ANO2: variants seen among roughly 807,000 people sequenced by gnomAD.
The protein encoded by ANO2 is anoctamin-2.
In ANO2, 101 loss-of-function variants were observed where a neutral mutation model predicts 124.2. That is an observed-to-expected ratio of 0.81 (90% CI 0.69 to 0.96). ANO2 has a LOEUF of 0.96. ANO2 is among the 40% of genes least tolerant of loss of function. The pLI is 0.00. For missense variants in ANO2, 1,293 were observed against 1,274.5 expected (o/e 1.01, Z -0.22); for synonymous variants, 486 against 482.5 (o/e 1.01, Z -0.09).
chr12:5,915,888 T>G (rs17786382), intron 3 of ANO2, among the ~76,000 whole-genome samples: 23,072 of 152,218 alleles, frequency 0.15, 1,984 homozygotes, highest in South Asian at 0.2. Flanking sequence ...ATCCTTTTTT[T>G]CAGTGGCACA....
At chr12:5,889,032 G>A (rs764727218) in intron 3 of ANO2, among the ~76,000 whole-genome samples, 13 of 152,228 alleles carry the variant, frequency 8.5e-5, no homozygotes, top group Non-Finnish European at 1.3e-4. Context: ...CCCAAACCCC[G>A]CCCCGTGGGG....
At chr12:5,590,151 G>A (rs912680654) in intron 20 of ANO2, among the ~76,000 whole-genome samples, 1 of 152,174 alleles carries the variant, frequency 6.6e-6, no homozygotes, top group African/African-American at 2.4e-5. Context: ...GCCACATACG[G>A]CCCAGGACAG....
At chr12:5,662,802 T>A (rs1224766615) in intron 14 of ANO2, among the ~76,000 whole-genome samples, 2 of 152,192 alleles carry the variant, frequency 1.3e-5, no homozygotes, top group East Asian at 3.9e-4. Flanking sequence ...GGTGGTTAGT[T>A]CTTCTTCTTT....
chr12:5,578,581 T>A, intron 20 of ANO2, 63 bp from the exon 21 acceptor site: 2 of 1,535,170 alleles, frequency 1.3e-6, no homozygotes, highest in Admixed American at 3.9e-5. Flanking sequence ...CCCTTCTGGC[T>A]TGCAGCTACA....
At chr12:5,620,277 G>C (rs1945044517) in intron 16 of ANO2, among the ~76,000 whole-genome samples, 2 of 152,202 alleles carry the variant, frequency 1.3e-5, no homozygotes, top group African/African-American at 4.8e-5. Context: ...AGAGCCAGGG[G>C]ACCAACAGCA....
intron 10 of ANO2, among the ~76,000 whole-genome samples, chr12:5,771,395 T>C (rs1435294222): frequency 2.0e-5 from 3 of 152,190 alleles, no homozygotes; most frequent in East Asian, 1.9e-4. Flanking sequence ...GTGTAGATGA[T>C]AATGTAGATT....
chr12:5,653,530 A>G (rs150362706), intron 14 of ANO2, among the ~76,000 whole-genome samples: 9 of 152,360 alleles, frequency 5.9e-5, no homozygotes, highest in African/African-American at 2.2e-4. Flanking sequence ...TGAGCACTCA[A>G]TGAGTATACC....
chr12:5,648,982 A>C (rs1416512820), intron 14 of ANO2, among the ~76,000 whole-genome samples: 1 of 152,140 alleles, frequency 6.6e-6, no homozygotes, highest in Non-Finnish European at 1.5e-5. Context: ...TCTTATACTA[A>C]AAGATTTCTT....
chr12:5,640,987 G>A lies in ANO2; in HGVS notation c.1621-5640C>T, dbSNP rs191656976. On this transcript the variant is annotated intron_variant, in intron 15 of 24. Coordinates refer to ENST00000682330, the MANE Select transcript of ANO2 (RefSeq NM_001364791.2). Reference sequence around the variant, plus strand: ...TTGGAACCAACCCAAATGTCCATCAGTGATAGACTGGATTAAGAAAATGTG... The same window carrying A: ...TTGGAACCAACCCAAATGTCCATCAATGATAGACTGGATTAAGAAAATGTG... 4.5e-3 allele frequency among the ~76,000 whole-genome samples: 680 copies of A among 152,286 alleles called. 7 individuals are homozygous for A. Among genetic ancestry groups the A allele is most frequent in the African/African-American group, 0.015 (636 of 41,546 alleles).
intron 4 of ANO2, 81 bp downstream of exon 4, chr12:5,853,962 T>TAGGGC: frequency 1.0e-6 from 1 of 964,482 alleles, no homozygotes; most frequent in Non-Finnish European, 1.5e-6. Context: ...AAAACCCACA[T>TAGGGC]CCCACCTGGC....
intron 3 of ANO2, among the ~76,000 whole-genome samples, chr12:5,909,688 C>T (rs1353360089): frequency 6.6e-6 from 1 of 152,234 alleles, no homozygotes; most frequent in East Asian, 1.9e-4. Flanking sequence ...CCAGCATCAT[C>T]CCGTGCCCCA....
intron 14 of ANO2, among the ~76,000 whole-genome samples, chr12:5,663,410 C>T (rs930257174): frequency 6.6e-6 from 1 of 152,182 alleles, no homozygotes; most frequent in Non-Finnish European, 1.5e-5. Context: ...TCCTTTCTCA[C>T]TCTCACCCAC....
chr12:5,874,456 G>T (rs900372207), intron 3 of ANO2, among the ~76,000 whole-genome samples: 1 of 152,120 alleles, frequency 6.6e-6, no homozygotes, highest in African/African-American at 2.4e-5. Context: ...GGCTTCTTTG[G>T]TGCTTCATAT....
At chr12:5,667,105 C>T (rs528913462) in intron 14 of ANO2, among the ~76,000 whole-genome samples, 4 of 152,148 alleles carry the variant, frequency 2.6e-5, no homozygotes, top group Admixed American at 6.5e-5. Flanking sequence ...GGAAGCTCTG[C>T]GTTTGCTGCT....
intron 10 of ANO2, among the ~76,000 whole-genome samples, chr12:5,759,573 G>A (rs1328834758): frequency 6.7e-6 from 1 of 149,614 alleles, no homozygotes; most frequent in East Asian, 1.9e-4. Context: ...GATTCTCAAA[G>A]GAGCATGAAC....
chr12:5,590,072 G>C (rs1943318758), intron 20 of ANO2, among the ~76,000 whole-genome samples: 1 of 152,076 alleles, frequency 6.6e-6, no homozygotes. Context: ...GCACCAGGGA[G>C]GAGGCAGGGC....
intron 19 of ANO2, among the ~76,000 whole-genome samples, chr12:5,600,847 T>A (rs1943906656): frequency 6.6e-6 from 1 of 152,182 alleles, no homozygotes; most frequent in Admixed American, 6.5e-5. Flanking sequence ...CCCCCAACAT[T>A]CTTCACCCAA....
chr12:5,599,819 G>T (rs1943844088), intron 19 of ANO2, among the ~76,000 whole-genome samples, 190 bp from the exon 20 acceptor site: 1 of 152,126 alleles, frequency 6.6e-6, no homozygotes, highest in Admixed American at 6.5e-5. Flanking sequence ...CCTTTATAAA[G>T]ATCGTGCAGA....
chr12:5,939,827 A>AGGTCGAG (rs1441045397), intron 1 of ANO2, among the ~76,000 whole-genome samples: 3 of 152,242 alleles, frequency 2.0e-5, no homozygotes, highest in African/African-American at 7.2e-5. Context: ...CTAGGAAATA[A>AGGTCGAG]GGTCGAGCTG....
Sources: allele counts gnomAD v4.1 joint callset (sites outside exome capture counted in the v4.1 genomes callset), GRCh38; gene constraint gnomAD v4.1.1; transcripts MANE v1.5; gene names NCBI Gene and HGNC (gene_info 2026-07-23, HGNC 2026-07-21).